XPO7: variants seen among roughly 807,000 people sequenced by gnomAD.
The protein encoded by XPO7 is exportin-7.
XPO7 carries 21 observed loss-of-function variants against 144.3 expected under a neutral mutation model. The observed-to-expected ratio is 0.15, with a 90% confidence interval of 0.10 to 0.21. XPO7 has a LOEUF of 0.21. Among genes scored for constraint, XPO7 ranks in the 10% least tolerant of loss-of-function variants. XPO7 has a pLI of 1.00. For synonymous variants in XPO7, 580 were observed against 499.6 expected, an observed-to-expected ratio of 1.16 and a Z score of -2.15; for missense variants, 808 against 1,325.8, an observed-to-expected ratio of 0.61 and a Z score of 6.06.
chr8:21,996,613 A>G (rs1028530526), intron 21 of XPO7, among the ~76,000 whole-genome samples: 1 of 152,172 alleles, frequency 6.6e-6, no homozygotes. Context: ...GGTATTTATT[A>G]GAGAGGTTGT....
intron 1 of XPO7, among the ~76,000 whole-genome samples, chr8:21,962,674 C>T (rs146292235): frequency 1.3e-5 from 2 of 152,282 alleles, no homozygotes; most frequent in African/African-American, 4.8e-5. Context: ...TCTCACTTCC[C>T]AGAGACAATT....
chr8:21,984,351 A>AGAGTTGAGT, intron 11 of XPO7, among the ~76,000 whole-genome samples: 1 of 152,254 alleles, frequency 6.6e-6, no homozygotes, highest in African/African-American at 2.4e-5. Context: ...AAGAGGTCAG[A>AGAGTTGAGT]CAGTTGAGAA....
At chr8:21,920,899 A>G (rs976638376) in intron 1 of XPO7, among the ~76,000 whole-genome samples, 4 of 152,216 alleles carry the variant, frequency 2.6e-5, no homozygotes, top group Non-Finnish European at 5.9e-5. Flanking sequence ...CATTCTTAAT[A>G]CGTCTACAAG....
chr8:22,002,642 G>C (rs1379162105), intron 25 of XPO7, among the ~76,000 whole-genome samples: 2 of 151,988 alleles, frequency 1.3e-5, no homozygotes, highest in Non-Finnish European at 2.9e-5. Flanking sequence ...GAAGAAGAAT[G>C]CAAGACAGAA....
At chr8:21,984,981 T>C in intron 12 of XPO7, 142 bp downstream of exon 12, 3 of 882,280 alleles carry the variant, frequency 3.4e-6, no homozygotes, top group Non-Finnish European at 5.1e-6. Context: ...AGAATCTTTA[T>C]GAATGAATAA....
Position 22,005,928 on chromosome 8 carries a change from C to A in XPO7, c.*840C>A, listed in dbSNP as rs757413293. 2 of 152,158 alleles carry A rather than the reference C, an allele frequency of 1.3e-5. No homozygotes were observed. Among genetic ancestry groups the A allele is most frequent in the South Asian group, 4.2e-4 (2 of 4,812 alleles). 9.4% of individuals were successfully genotyped at this position (152,158 alleles called of 1,614,324 possible). A position where few individuals can be genotyped will look rare whatever the true frequency, so the allele number is the denominator to read the frequency against. On this transcript the variant is annotated 3_prime_UTR_variant, in exon 28 of 28. Coordinates refer to ENST00000252512, the MANE Select transcript of XPO7 (RefSeq NM_015024.5). ...TGCTTTTAAAAGTTGGATTTAACGA[C>A]GTGTTGTAGGGTTCTTGGTCTGTGT... is the stretch of plus-strand genomic sequence containing the variant.
intron 1 of XPO7, among the ~76,000 whole-genome samples, chr8:21,938,602 C>T (rs1810892654): frequency 6.6e-6 from 1 of 152,106 alleles, no homozygotes; most frequent in South Asian, 2.1e-4. Context: ...TTCACCTCTG[C>T]TCCTTTTTAT....
chr8:21,939,832 A>G (rs1810936377), intron 1 of XPO7, among the ~76,000 whole-genome samples: 1 of 152,232 alleles, frequency 6.6e-6, no homozygotes, highest in South Asian at 2.1e-4. Flanking sequence ...AAAACCAAGG[A>G]GAATTCATTG....
intron 1 of XPO7, among the ~76,000 whole-genome samples, chr8:21,936,818 TG>T (rs1332323346): frequency 6.6e-6 from 1 of 152,212 alleles, no homozygotes; most frequent in Non-Finnish European, 1.5e-5. Flanking sequence ...TAGAATTTTC[TG>T]GGGGTTTTTC....
At chr8:21,934,993 T>C (rs1810775463) in intron 1 of XPO7, among the ~76,000 whole-genome samples, 1 of 152,226 alleles carries the variant, frequency 6.6e-6, no homozygotes, top group Non-Finnish European at 1.5e-5. Context: ...TCATATGTTT[T>C]CATTTGGGCT....
chr8:21,921,956 GAA>G (rs1451359436), intron 1 of XPO7, among the ~76,000 whole-genome samples: 1 of 152,044 alleles, frequency 6.6e-6, no homozygotes, highest in Non-Finnish European at 1.5e-5. Flanking sequence ...ACCTTCTTAT[GAA>G]AAAGATACAC....
At chr8:21,933,003 G>A (rs1810703434) in intron 1 of XPO7, among the ~76,000 whole-genome samples, 1 of 151,792 alleles carries the variant, frequency 6.6e-6, no homozygotes, top group African/African-American at 2.4e-5. Flanking sequence ...ATTGGCATGT[G>A]GTATATGGTA....
chr8:21,978,135 A>T (rs191180622), intron 8 of XPO7, among the ~76,000 whole-genome samples: 244 of 152,260 alleles, frequency 1.6e-3, no homozygotes, highest in African/African-American at 5.7e-3. Context: ...ACAGGCTAGC[A>T]CCTGGGGATT....
intron 1 of XPO7, among the ~76,000 whole-genome samples, chr8:21,954,265 T>C (rs1811464040): frequency 6.6e-6 from 1 of 152,226 alleles, no homozygotes; most frequent in African/African-American, 2.4e-5. Context: ...GAGGTTTTAA[T>C]AGGATTCTGT....
intron 20 of XPO7, 124 bp from the exon 21 acceptor site, chr8:21,995,368 A>T (rs146479578): frequency 1.4e-6 from 1 of 732,220 alleles, no homozygotes. Context: ...AAGATTAGCA[A>T]GCAAGAGACA....
At chr8:21,997,572 G>A (rs1389437038) in intron 21 of XPO7, among the ~76,000 whole-genome samples, 3 of 152,204 alleles carry the variant, frequency 2.0e-5, no homozygotes, top group South Asian at 2.1e-4. Flanking sequence ...TTGGTGGGGG[G>A]AGGCTGTGGG....
chr8:21,991,839 G>T lies in XPO7; in HGVS notation c.2042-29G>T, dbSNP rs776754340. On this transcript the variant is annotated intron_variant, in intron 18 of 27. Coordinates refer to ENST00000252512, the MANE Select transcript of XPO7 (RefSeq NM_015024.5). ...CACAGCTTTGAATTCTTGGTATTGG[G>T]GTTACACCCTGGGATGTTTCCTTTA... The T allele has an allele frequency of 4.5e-6, 7 of 1,572,926 alleles. No individual in the cohort carries two copies. The African/African-American group carries it at 8.1e-5, about 18-fold the overall frequency.
chr8:21,995,884 G>A (rs536827456), intron 21 of XPO7, among the ~76,000 whole-genome samples: 4 of 152,054 alleles, frequency 2.6e-5, no homozygotes, highest in Admixed American at 6.5e-5. Context: ...GCACAGTCTC[G>A]GCTCACTGCA....
chr8:21,989,574 C>T (rs974682009), intron 16 of XPO7, among the ~76,000 whole-genome samples: 64 of 152,094 alleles, frequency 4.2e-4, no homozygotes, highest in Non-Finnish European at 8.8e-5. Context: ...GAAGGGTAAA[C>T]CCTGTAAAAT....
Sources: allele counts gnomAD v4.1 joint callset (sites outside exome capture counted in the v4.1 genomes callset), GRCh38; gene constraint gnomAD v4.1.1; transcripts MANE v1.5; gene names NCBI Gene and HGNC (gene_info 2026-07-23, HGNC 2026-07-21).